Variants in CAB39 observed in about 807,000 individuals in gnomAD.
CAB39 encodes the protein calcium binding protein 39, also known as calcium-binding protein 39.
Under a neutral mutation model 40.0 loss-of-function variants are expected in CAB39, and 8 were observed. That is an observed-to-expected ratio of 0.20 (90% CI 0.12 to 0.36). CAB39 has a LOEUF of 0.36. Among genes scored for constraint, CAB39 ranks in the 10% least tolerant of loss-of-function variants. CAB39 has a pLI of 1.00. For synonymous variants in CAB39, 156 were observed against 141.6 expected (o/e 1.10, Z -0.72); for missense variants, 270 against 401.1 (o/e 0.67, Z 2.79).
chr2:230,786,364 G>A (rs1489806766), intron 2 of CAB39, among the ~76,000 whole-genome samples: 1 of 151,226 alleles, frequency 6.6e-6, no homozygotes, highest in Non-Finnish European at 1.5e-5. Context: ...TTGGGGGGTG[G>A]GGTGGGGATG....
chr2:230,812,937 G>A (rs6713760), intron 6 of CAB39, among the ~76,000 whole-genome samples: 121 of 152,300 alleles, frequency 7.9e-4, no homozygotes, highest in African/African-American at 2.8e-3. Flanking sequence ...CAAACAGGCA[G>A]CAGGCCATAG....
intron 2 of CAB39, among the ~76,000 whole-genome samples, chr2:230,769,200 C>A (rs1487042236): frequency 6.6e-6 from 1 of 152,146 alleles, no homozygotes; most frequent in Non-Finnish European, 1.5e-5. Context: ...AATGTTCCAA[C>A]AGATATAATA....
intron 1 of CAB39, among the ~76,000 whole-genome samples, chr2:230,742,276 G>A (rs186441921): frequency 5.7e-4 from 87 of 152,154 alleles, no homozygotes; most frequent in East Asian, 1.9e-3. Context: ...CCGGGTTCAC[G>A]CCATTCTCCT....
chr2:230,785,125 A>T (rs998703320), intron 2 of CAB39, among the ~76,000 whole-genome samples: 1 of 152,166 alleles, frequency 6.6e-6, no homozygotes, highest in Non-Finnish European at 1.5e-5. Flanking sequence ...ATACATACAT[A>T]TACACACTAA....
chr2:230,791,727 A>T (rs1695895795), intron 3 of CAB39, among the ~76,000 whole-genome samples: 1 of 152,204 alleles, frequency 6.6e-6, no homozygotes, highest in South Asian at 2.1e-4. Context: ...GCCCATTTGC[A>T]TCTCCTGCCC....
intron 2 of CAB39, among the ~76,000 whole-genome samples, chr2:230,772,984 A>G (rs1423494154): frequency 2.9e-4 from 5 of 17,242 alleles, no homozygotes; most frequent in Non-Finnish European, 1.2e-3. Context: ...CTCAGCAATA[A>G]AAAAAAAAAA....
intron 5 of CAB39, among the ~76,000 whole-genome samples, chr2:230,805,632 C>G (rs191994201): frequency 0.019 from 2,960 of 152,272 alleles, 85 homozygotes; most frequent in African/African-American, 0.067. Context: ...AGTTGTTGTG[C>G]CTTCACACAG....
chr2:230,743,440 T>C (rs1466883322), intron 1 of CAB39, among the ~76,000 whole-genome samples: 2 of 152,242 alleles, frequency 1.3e-5, no homozygotes, highest in Non-Finnish European at 2.9e-5. Flanking sequence ...GTCTGACAGT[T>C]TCAAGTGTGA....
At chr2:230,775,960 C>T (rs772684549) in intron 2 of CAB39, among the ~76,000 whole-genome samples, 5 of 152,194 alleles carry the variant, frequency 3.3e-5, no homozygotes, top group Non-Finnish European at 4.4e-5. Flanking sequence ...GCAGTTCCTA[C>T]GTCTGTCAGA....
chr2:230,717,177 CTT>C (rs915703353), intron 1 of CAB39, among the ~76,000 whole-genome samples: 6 of 151,982 alleles, frequency 3.9e-5, no homozygotes, highest in Non-Finnish European at 8.8e-5. Context: ...TTTTTACACA[CTT>C]TGATAAAATT....
In CAB39 at chr2:230,817,726, C is replaced by G. The variant is rs6712118; in HGVS notation, c.694-28C>G. ...TTGATTTTTCTTTAAGTTTTAATAA[C>G]AAGGTAATTGTTTAAATGTCTTCTC... On this transcript the variant is annotated intron_variant, in intron 7 of 8. Coordinates refer to ENST00000258418, the MANE Select transcript of CAB39 (RefSeq NM_016289.4). The G allele has an allele frequency of 9.2e-5, 140 of 1,516,344 alleles. 1 individual carries two copies. The African/African-American group carries it at 1.9e-3, about 20-fold the overall frequency. 93.9% of individuals were successfully genotyped at this position (1,516,344 alleles called of 1,614,324 possible). A position where few individuals can be genotyped will look rare whatever the true frequency, so the allele number is the denominator to read the frequency against.
At chr2:230,715,677 A>G (rs148803227) in intron 1 of CAB39, among the ~76,000 whole-genome samples, 24 of 152,292 alleles carry the variant, frequency 1.6e-4, no homozygotes, top group Admixed American at 5.9e-4. Flanking sequence ...TTGCTACTAT[A>G]ACAAATGGGT....
chr2:230,742,519 A>G (rs1177585801), intron 1 of CAB39, among the ~76,000 whole-genome samples: 3 of 151,902 alleles, frequency 2.0e-5, no homozygotes, highest in South Asian at 2.1e-4. Context: ...TTAAGTGACA[A>G]AGTTGAAATG....
chr2:230,720,432 GTTGT>G (rs995317642), intron 1 of CAB39, among the ~76,000 whole-genome samples: 10 of 152,220 alleles, frequency 6.6e-5, no homozygotes, highest in African/African-American at 2.2e-4. Context: ...TGGTCCACAA[GTTGT>G]TTGTTTGTTT....
chr2:230,736,796 T>C (rs1229451410), intron 1 of CAB39, among the ~76,000 whole-genome samples: 1 of 152,112 alleles, frequency 6.6e-6, no homozygotes, highest in Non-Finnish European at 1.5e-5. Context: ...GTTTAAGGTA[T>C]CTTAGTACAA....
At chr2:230,762,731 G>A (rs1171191759) in intron 2 of CAB39, among the ~76,000 whole-genome samples, 5 of 152,172 alleles carry the variant, frequency 3.3e-5, no homozygotes, top group Non-Finnish European at 5.9e-5. Context: ...CATCAGAATC[G>A]TACTGAACAC....
Position 230,797,741 on chromosome 2 carries a change from C to G in CAB39, c.399-988C>G, listed in dbSNP as rs570452018. The stretch of plus-strand genomic sequence containing the variant: ...GCAACAGGTGAAGACCTCAGCCAGG[C>G]AAGAAATGGGAACAGTCAGAGAGAT... On this transcript the variant is annotated intron_variant, in intron 4 of 8. Transcript: ENST00000258418. Among the ~76,000 whole-genome samples the G allele has an allele frequency of 2.6e-5, 4 of 151,552 alleles. No individual in the cohort carries two copies. The South Asian group carries it at 8.3e-4, about 32-fold the overall frequency.
rs539277680 is a variant in CAB39, at chr2:230,772,737, G to A, written c.114+12622G>A. 3.3e-5 allele frequency among the ~76,000 whole-genome samples: 5 copies of A among 151,824 alleles called. No homozygotes were observed. In the South Asian group the frequency reaches 1.0e-3, roughly 32 times the overall value. ...CCTGACCTCGTGATCTGCCTGCTTCGGCCTCCCAAAGTGCTGGGATTACAG... is the reference window on the plus strand; with the variant it reads ...CCTGACCTCGTGATCTGCCTGCTTCAGCCTCCCAAAGTGCTGGGATTACAG... On this transcript the variant is annotated intron_variant, in intron 2 of 8. Transcript: ENST00000258418.
intron 2 of CAB39, among the ~76,000 whole-genome samples, chr2:230,770,398 G>A (rs1695461683): frequency 6.6e-6 from 1 of 152,074 alleles, no homozygotes; most frequent in South Asian, 2.1e-4. Context: ...GACACAAATT[G>A]CCAAAGCTAA....
Sources: allele counts gnomAD v4.1 joint callset (sites outside exome capture counted in the v4.1 genomes callset), GRCh38; gene constraint gnomAD v4.1.1; transcripts MANE v1.5; gene names NCBI Gene and HGNC (gene_info 2026-07-23, HGNC 2026-07-21).